SLC4A10: variants seen among roughly 807,000 people sequenced by gnomAD.
SLC4A10 encodes solute carrier family 4 member 10.
Under a neutral mutation model 137.7 loss-of-function variants are expected in SLC4A10, and 42 were observed. The observed-to-expected ratio is 0.30, with a 90% CI of 0.24 to 0.39. The LOEUF (loss-of-function observed/expected upper bound fraction) is 0.39. Ranked by LOEUF, SLC4A10 falls within the 10% of genes least tolerant of loss-of-function variation. The pLI, the probability that SLC4A10 is intolerant of heterozygous loss-of-function variation, is 1.00. For missense variants in SLC4A10, 925 were observed against 1,355.0 expected, an observed-to-expected ratio of 0.68 and a Z score of 4.98; for synonymous variants, 474 against 464.1, an observed-to-expected ratio of 1.02 and a Z score of -0.27.
intron 1 of SLC4A10, among the ~76,000 whole-genome samples, chr2:161,725,617 T>A (rs1574591923): frequency 6.6e-6 from 1 of 152,318 alleles, no homozygotes; most frequent in African/African-American, 2.4e-5. Flanking sequence ...TACAAAAAAA[T>A]TACAGTAAAA....
intron 15 of SLC4A10, among the ~76,000 whole-genome samples, chr2:161,906,910 GC>G (rs1374341356): frequency 6.6e-6 from 1 of 151,934 alleles, no homozygotes; most frequent in Non-Finnish European, 1.5e-5. Context: ...AAAAAAATTA[GC>G]CAGGCGTGGT....
intron 1 of SLC4A10, among the ~76,000 whole-genome samples, chr2:161,691,692 A>C (rs1244744812): frequency 1.3e-5 from 2 of 152,156 alleles, no homozygotes; most frequent in African/African-American, 4.8e-5. Context: ...ACTTTCAAGA[A>C]GCATAAAATA....
intron 1 of SLC4A10, among the ~76,000 whole-genome samples, chr2:161,688,461 C>T (rs893460749): frequency 1.3e-5 from 2 of 152,070 alleles, no homozygotes; most frequent in East Asian, 3.8e-4. Context: ...GTATGCGATG[C>T]ATTAGTACTC....
Position 161,862,902 on chromosome 2 carries a change from A to G in SLC4A10, c.606A>G (p.Ser202=), listed in dbSNP as rs1201573943. 6.2e-7 allele frequency: 1 copy of G among 1,608,992 alleles called. No homozygotes were observed. The highest frequency in any genetic ancestry group is 2.2e-5 in the East Asian group (1 of 44,780). Residue 202 remains serine, a synonymous_variant, in exon 6 of 27, where the codon TCA becomes TCG. Transcript: ENST00000446997. ...ADMVLDQQVS[S]GQLNEDVRHR... ...TGGTTCTTGACCAACAAGTGAGCTC[A>G]GGTCAGCTGAATGAAGATGTACGCC... is the stretch of plus-strand genomic sequence containing the variant.
chr2:161,817,765 G>A (rs1326763208), intron 3 of SLC4A10, among the ~76,000 whole-genome samples: 1 of 151,968 alleles, frequency 6.6e-6, no homozygotes, highest in Non-Finnish European at 1.5e-5. Flanking sequence ...GTTTTTGTCA[G>A]GTTTGTCAAA....
chr2:161,750,135 C>G (rs545707778), intron 1 of SLC4A10, among the ~76,000 whole-genome samples: 1 of 151,584 alleles, frequency 6.6e-6, no homozygotes, highest in South Asian at 2.1e-4. Flanking sequence ...TGAGTCTTCT[C>G]TCTTTTTTTC....
At position 161,778,780 on chromosome 2, in the gene SLC4A10, C is replaced by T. The variant is rs547194546; in HGVS notation, c.130+7726C>T. Among the ~76,000 whole-genome samples, 15 of 151,842 alleles carry T rather than the reference C, an allele frequency of 9.9e-5. No homozygotes were observed. In the South Asian group the frequency reaches 2.9e-3, roughly 29 times the overall value. On this transcript the variant is annotated intron_variant, in intron 2 of 26. Coordinates refer to ENST00000446997, the MANE Select transcript of SLC4A10 (RefSeq NM_001178015.2). ...AAATTTAAAGATACTTTAAAAAAAA[C>T]TGTATTGCTTTTAGCAGATATTAAA... is the stretch of plus-strand genomic sequence containing the variant.
chr2:161,794,711 A>ATCC (rs2054571299), intron 2 of SLC4A10, among the ~76,000 whole-genome samples: 1 of 152,142 alleles, frequency 6.6e-6, no homozygotes, highest in South Asian at 2.1e-4. Context: ...CGTTCTAATA[A>ATCC]TCCTCCTGCT....
At chr2:161,902,060 A>G (rs1434701998) in intron 12 of SLC4A10, 1 of 456,360 alleles carries the variant, frequency 2.2e-6, no homozygotes, top group Middle Eastern at 3.3e-4. Flanking sequence ...GCTTCTCCAG[A>G]GTTCTTCCAC....
Position 161,766,113 on chromosome 2 carries a change from G to A in SLC4A10, c.49-4860G>A, listed in dbSNP as rs559644776. ...AGTATTTAAAAGGCGTACTGTATAT[G>A]AAGCTTCAAAATGAGACACTTACAT... On this transcript the variant is annotated intron_variant, in intron 1 of 26. Coordinates refer to ENST00000446997, the MANE Select transcript of SLC4A10 (RefSeq NM_001178015.2). 5.3e-5 allele frequency among the ~76,000 whole-genome samples: 8 copies of A among 152,212 alleles called. No homozygotes were observed. The South Asian group carries it at 1.7e-3, about 32-fold the overall frequency.
intron 1 of SLC4A10, among the ~76,000 whole-genome samples, chr2:161,641,822 T>A (rs1430442046): frequency 6.6e-6 from 1 of 152,036 alleles, no homozygotes; most frequent in Non-Finnish European, 1.5e-5. Context: ...AATGAAATGG[T>A]GAACTTAATA....
chr2:161,979,712 A>G (rs928446028), intron 26 of SLC4A10, among the ~76,000 whole-genome samples: 1 of 152,166 alleles, frequency 6.6e-6, no homozygotes, highest in Non-Finnish European at 1.5e-5. Flanking sequence ...AAAATTTAGT[A>G]CGTGGTAGAG....
At chr2:161,664,741 G>A (rs1209781267) in intron 1 of SLC4A10, among the ~76,000 whole-genome samples, 1 of 150,394 alleles carries the variant, frequency 6.6e-6, no homozygotes, top group African/African-American at 2.4e-5. Context: ...AGGGTGTTGA[G>A]TTAATATAAC....
At chr2:161,976,987 C>A in intron 25 of SLC4A10, 111 bp downstream of exon 25, 1 of 593,018 alleles carries the variant, frequency 1.7e-6, no homozygotes, top group Non-Finnish European at 2.8e-6. Flanking sequence ...TAAAATATTC[C>A]AGAAAATTCT....
chr2:161,710,065 C>G (rs2044113435), intron 1 of SLC4A10, among the ~76,000 whole-genome samples: 1 of 151,428 alleles, frequency 6.6e-6, no homozygotes. Context: ...TGAATTGATT[C>G]AGTTAAGGGG....
chr2:161,788,338 T>C (rs2125516817), intron 2 of SLC4A10, among the ~76,000 whole-genome samples: 1 of 152,188 alleles, frequency 6.6e-6, no homozygotes, highest in African/African-American at 2.4e-5. Context: ...CTTCTGACAG[T>C]AGGTTTTTTA....
chr2:161,900,849 A>G, intron 11 of SLC4A10, 62 bp from the exon 12 acceptor site: 1 of 1,158,368 alleles, frequency 8.6e-7, no homozygotes, highest in Non-Finnish European at 1.2e-6. Flanking sequence ...TGTTATTATT[A>G]TTTACAATTA....
chr2:161,823,344 A>G (rs567010554), intron 3 of SLC4A10, among the ~76,000 whole-genome samples: 2 of 152,326 alleles, frequency 1.3e-5, no homozygotes, highest in Admixed American at 1.3e-4. Context: ...TGCTGTTGCT[A>G]TTGTGTGAGT....
chr2:161,688,617 T>G (rs1287682553), intron 1 of SLC4A10, among the ~76,000 whole-genome samples: 1 of 152,216 alleles, frequency 6.6e-6, no homozygotes, highest in African/African-American at 2.4e-5. Context: ...AAGAATATTA[T>G]TTTTATTGGA....
Sources: allele counts gnomAD v4.1 joint callset (sites outside exome capture counted in the v4.1 genomes callset), GRCh38; gene constraint gnomAD v4.1.1; transcripts MANE v1.5; gene names NCBI Gene and HGNC (gene_info 2026-07-23, HGNC 2026-07-21).